Variants in SMCO2 observed in about 807,000 individuals in gnomAD.
SMCO2 encodes the protein single-pass membrane and coiled-coil domain-containing protein 2.
SMCO2 carries 25 observed loss-of-function variants against 29.5 expected under a neutral mutation model. The observed-to-expected ratio is 0.85, with a 90% CI of 0.62 to 1.18. The LOEUF is 1.18. SMCO2 is among the 50% of genes most tolerant of loss of function. SMCO2 has a pLI of 0.00. For missense variants in SMCO2, 348 were observed against 344.5 expected, an observed-to-expected ratio of 1.01 and a Z score of -0.08; for synonymous variants, 117 against 123.3, an observed-to-expected ratio of 0.95 and a Z score of 0.34.
At chr12:27,455,695 G>A in the SMCO2 span, among the ~76,000 whole-genome samples, 1 of 152,184 alleles carries the variant, frequency 6.6e-6, no homozygotes, top group South Asian at 2.1e-4. Flanking sequence ...TATGTGGTAA[G>A]AATAACAGCC....
intron 4 of SMCO2, among the ~76,000 whole-genome samples, chr12:27,480,102 A>C (rs146466968): frequency 2.0e-5 from 3 of 152,208 alleles, no homozygotes; most frequent in Non-Finnish European, 4.4e-5. Flanking sequence ...TCCAAAGGCC[A>C]AAGAACCTGG....
intron 7 of SMCO2, among the ~76,000 whole-genome samples, chr12:27,500,075 T>C (rs564410062): frequency 1.3e-5 from 2 of 150,866 alleles, no homozygotes; most frequent in South Asian, 4.2e-4. Context: ...CTAAAATGAA[T>C]AAAATTATTA....
the SMCO2 span, among the ~76,000 whole-genome samples, chr12:27,429,583 G>T: frequency 0.02 from 3,087 of 151,960 alleles, 109 homozygotes; most frequent in African/African-American, 0.071. Context: ...ATGTTTCTAA[G>T]TATACTTTTA....
At chr12:27,498,085 G>T in intron 7 of SMCO2, 1 of 301,096 alleles carries the variant, frequency 3.3e-6, no homozygotes, top group South Asian at 4.3e-5. Context: ...CAGAGGAATT[G>T]AGTGCTGCTT....
intron 7 of SMCO2, among the ~76,000 whole-genome samples, chr12:27,498,887 G>T (rs1211925783): frequency 6.7e-6 from 1 of 149,988 alleles, no homozygotes; most frequent in Non-Finnish European, 1.5e-5. Flanking sequence ...AACCACAGTG[G>T]GATACCACTT....
chr12:27,434,345 T>C, the SMCO2 span, among the ~76,000 whole-genome samples: 6 of 152,288 alleles, frequency 3.9e-5, no homozygotes, highest in African/African-American at 1.2e-4. Flanking sequence ...TAGAGAACTA[T>C]TGCTTGCTTT....
At chr12:27,429,987 C>T in the SMCO2 span, among the ~76,000 whole-genome samples, 17 of 152,286 alleles carry the variant, frequency 1.1e-4, no homozygotes, top group Non-Finnish European at 2.4e-4. Flanking sequence ...CCTGTGGTTT[C>T]GTAGTTTATA....
chr12:27,453,741 C>A, the SMCO2 span, among the ~76,000 whole-genome samples: 25 of 152,316 alleles, frequency 1.6e-4, no homozygotes, highest in African/African-American at 6.0e-4. Flanking sequence ...CAAGTAAGTA[C>A]AGCAAATGTG....
intron 1 of SMCO2, among the ~76,000 whole-genome samples, chr12:27,468,147 C>A (rs969076157): frequency 6.6e-6 from 1 of 152,142 alleles, no homozygotes; most frequent in Non-Finnish European, 1.5e-5. Context: ...TAAGGCCCAG[C>A]TGTGAAGTGT....
chr12:27,459,289 G>A, the SMCO2 span, among the ~76,000 whole-genome samples: 13 of 151,896 alleles, frequency 8.6e-5, no homozygotes, highest in Admixed American at 2.6e-4. Flanking sequence ...AACAAAGAAC[G>A]AGATCATTCA....
chr12:27,431,654 G>A, the SMCO2 span, among the ~76,000 whole-genome samples: 1 of 152,138 alleles, frequency 6.6e-6, no homozygotes, highest in East Asian at 1.9e-4. Context: ...GTCCATTGAA[G>A]TACATTTAGG....
At chr12:27,435,450 A>G in the SMCO2 span, among the ~76,000 whole-genome samples, 2 of 151,466 alleles carry the variant, frequency 1.3e-5, no homozygotes, top group African/African-American at 2.4e-5. Flanking sequence ...AAGGGGCAGG[A>G]AAAAAACATT....
chr12:27,427,952 G>A, the SMCO2 span, among the ~76,000 whole-genome samples: 1 of 152,156 alleles, frequency 6.6e-6, no homozygotes, highest in Non-Finnish European at 1.5e-5. Flanking sequence ...ATGCTGATTG[G>A]TCGGGTTAAG....
At chr12:27,474,663 C>T (rs879908583) in intron 3 of SMCO2, 123 bp from the exon 4 acceptor site, 41 of 1,118,844 alleles carry the variant, frequency 3.7e-5, no homozygotes, top group Non-Finnish European at 4.9e-5. Context: ...CATCAGAAAG[C>T]TCCAGTCTCA....
intron 4 of SMCO2, among the ~76,000 whole-genome samples, chr12:27,478,854 C>G (rs2083875): frequency 6.6e-6 from 1 of 152,000 alleles, no homozygotes; most frequent in African/African-American, 2.4e-5. Flanking sequence ...ACACGGGGGG[C>G]GGGCCTGTCC....
At chr12:27,488,834 T>C (rs1157475436) in intron 5 of SMCO2, among the ~76,000 whole-genome samples, 3 of 152,188 alleles carry the variant, frequency 2.0e-5, no homozygotes, top group Admixed American at 1.3e-4. Context: ...TCTTAATCTT[T>C]GTATGTCAGC....
At chr12:27,430,070 A>G in the SMCO2 span, among the ~76,000 whole-genome samples, 3,066 of 152,248 alleles carry the variant, frequency 0.02, 61 homozygotes, top group South Asian at 0.075. Context: ...TCTTTCCAAA[A>G]TATTATGCCC....
At position 27,498,932 on chromosome 12, in the gene SMCO2, G is replaced by C. The variant is rs1943044165; in HGVS notation, c.684-2991G>C. Among the ~76,000 whole-genome samples the C allele has an allele frequency of 1.3e-5, 2 of 150,578 alleles. 1 individual carries two copies. Among genetic ancestry groups the C allele is most frequent in the African/African-American group, 5.0e-5 (2 of 40,264 alleles). ...TAAGATGACTACAGTAAAAAAGACA[G>C]ACAATAACTAGCATTGGAGAGGATG... On this transcript the variant is annotated intron_variant, in intron 7 of 7. Transcript: ENST00000298876.
At chr12:27,475,038 A>G in intron 4 of SMCO2, 125 bp downstream of exon 4, 1 of 1,165,618 alleles carries the variant, frequency 8.6e-7, no homozygotes, top group Non-Finnish European at 1.2e-6. Flanking sequence ...ACCATAAAGC[A>G]GTCCTGTGCA....
Sources: allele counts gnomAD v4.1 joint callset (sites outside exome capture counted in the v4.1 genomes callset), GRCh38; gene constraint gnomAD v4.1.1; transcripts MANE v1.5; gene names NCBI Gene and HGNC (gene_info 2026-07-23, HGNC 2026-07-21).